ADK: variants seen among roughly 807,000 people sequenced by gnomAD.
ADK encodes adenosine kinase, also known as N6,N6-dimethyladenosine kinase.
Under a neutral mutation model 44.7 loss-of-function variants are expected in ADK, and 24 were observed. The observed-to-expected ratio is 0.54, with a 90% CI of 0.39 to 0.76. ADK has a LOEUF of 0.76. Ranked by LOEUF, ADK falls within the 30% of genes least tolerant of loss-of-function variation. The pLI, the probability that ADK is intolerant of heterozygous loss-of-function variation, is 0.00. For missense variants in ADK, 321 were observed against 425.1 expected, an observed-to-expected ratio of 0.76 and a Z score of 2.15; for synonymous variants, 128 against 142.6, an observed-to-expected ratio of 0.90 and a Z score of 0.73.
In ADK at chr10:74,439,678, G is replaced by A. The variant is rs192565926; in HGVS notation, c.555+41099G>A. Among the ~76,000 whole-genome samples the A allele has an allele frequency of 2.9e-3, 442 of 152,200 alleles. 1 individual carries two copies. The highest frequency in any genetic ancestry group is 4.8e-3 in the Non-Finnish European group (328 of 67,954). On this transcript the variant is annotated intron_variant, in intron 6 of 10. Coordinates refer to ENST00000539909, the MANE Select transcript of ADK (RefSeq NM_006721.4). The stretch of plus-strand genomic sequence containing the variant: ...ATATTGAAAATGATTAGTTAAATCA[G>A]CAAATATTTTCCTGAATATACATTT...
At chr10:74,567,980 T>C (rs1476686731) in intron 7 of ADK, among the ~76,000 whole-genome samples, 2 of 152,180 alleles carry the variant, frequency 1.3e-5, no homozygotes, top group East Asian at 1.9e-4. Context: ...ATTACAGGCC[T>C]GAGCCACCGC....
chr10:74,305,980 C>A (rs573952932), intron 3 of ADK, among the ~76,000 whole-genome samples: 5 of 152,220 alleles, frequency 3.3e-5, no homozygotes, highest in African/African-American at 1.2e-4. Flanking sequence ...CTGCTTTGGC[C>A]TCCCAAAATG....
intron 9 of ADK, among the ~76,000 whole-genome samples, chr10:74,611,690 T>G (rs183537654): frequency 2.0e-5 from 3 of 151,978 alleles, no homozygotes; most frequent in African/African-American, 7.2e-5. Flanking sequence ...GTATACCCAT[T>G]GTTTACCTCC....
intron 1 of ADK, among the ~76,000 whole-genome samples, chr10:74,184,058 C>T (rs914814730): frequency 3.9e-5 from 6 of 151,992 alleles, no homozygotes; most frequent in African/African-American, 7.2e-5. Context: ...GCTGGGATTA[C>T]AGGTGCCCAC....
intron 6 of ADK, among the ~76,000 whole-genome samples, chr10:74,468,709 T>C (rs1258645618): frequency 6.6e-6 from 1 of 152,218 alleles, no homozygotes; most frequent in East Asian, 1.9e-4. Context: ...TAAAGATCTA[T>C]TTTATTATAG....
At chr10:74,189,145 C>G (rs1303133005) in intron 1 of ADK, among the ~76,000 whole-genome samples, 2 of 152,126 alleles carry the variant, frequency 1.3e-5, no homozygotes, top group Non-Finnish European at 2.9e-5. Flanking sequence ...CTTCTAAGTA[C>G]TCCTTTAGCT....
chr10:74,649,165 A>G (rs922792600), intron 9 of ADK, among the ~76,000 whole-genome samples: 2 of 152,220 alleles, frequency 1.3e-5, no homozygotes, highest in East Asian at 3.8e-4. Context: ...GTGAGTCAAG[A>G]TCGCACTACT....
intron 5 of ADK, among the ~76,000 whole-genome samples, chr10:74,398,157 C>T (rs1206447742): frequency 6.6e-6 from 1 of 151,792 alleles, no homozygotes; most frequent in Non-Finnish European, 1.5e-5. Context: ...AATGAGTTAG[C>T]CTTATTTCTT....
At chr10:74,237,369 A>G (rs889347401) in intron 3 of ADK, among the ~76,000 whole-genome samples, 4 of 152,244 alleles carry the variant, frequency 2.6e-5, no homozygotes, top group African/African-American at 9.6e-5. Context: ...TTCAGTATCC[A>G]TCTTCAGGCT....
At position 74,251,916 on chromosome 10, in the gene ADK, T is replaced by TG. The variant is rs1845666878; in HGVS notation, c.194+27326dup. On this transcript the variant is annotated intron_variant, in intron 3 of 10. Coordinates refer to ENST00000539909, the MANE Select transcript of ADK (RefSeq NM_006721.4). ...ATACTTTTTTTTTTTTTTTTTTTTT[T>TG]GTCGACTCACCTCTTTACCGTGTGA... is the stretch of plus-strand genomic sequence containing the variant. 2.1e-5 allele frequency among the ~76,000 whole-genome samples: 3 copies of TG among 139,578 alleles called. No homozygotes were observed. In the Admixed American group the frequency reaches 2.2e-4, roughly 10 times the overall value. 91.6% of individuals were successfully genotyped at this position (139,578 alleles called of 152,430 possible). A position where few individuals can be genotyped will look rare whatever the true frequency, so the allele number is the denominator to read the frequency against.
At chr10:74,584,994 T>A (rs1851484176) in intron 7 of ADK, among the ~76,000 whole-genome samples, 1 of 152,190 alleles carries the variant, frequency 6.6e-6, no homozygotes, top group Admixed American at 6.6e-5. Flanking sequence ...GAGAAAGTTT[T>A]CTCCTCCATA....
chr10:74,256,345 T>A (rs1164075323), intron 3 of ADK, among the ~76,000 whole-genome samples: 1 of 152,208 alleles, frequency 6.6e-6, no homozygotes, highest in East Asian at 1.9e-4. Context: ...GTTATATGTT[T>A]AGCAGATTTG....
intron 3 of ADK, among the ~76,000 whole-genome samples, chr10:74,297,394 T>C (rs1269372748): frequency 6.6e-6 from 1 of 152,206 alleles, no homozygotes; most frequent in Non-Finnish European, 1.5e-5. Context: ...GCATAGTATA[T>C]TGAGTGTGAA....
chr10:74,550,363 G>A lies in ADK; in HGVS notation c.726+24937G>A, dbSNP rs142780434. Among the ~76,000 whole-genome samples the A allele has an allele frequency of 2.9e-3, 437 of 152,054 alleles. 5 individuals are homozygous for A. Among genetic ancestry groups the A allele is most frequent in the East Asian group, 0.018 (92 of 5,186 alleles). ...TGGGATTACAGGTACGAGCCACCAC[G>A]TCCAGCCGAGAACCCAATCACTTTT... On this transcript the variant is annotated intron_variant, in intron 7 of 10. Coordinates refer to ENST00000539909, the MANE Select transcript of ADK (RefSeq NM_006721.4).
chr10:74,454,018 A>T (rs557955965), intron 6 of ADK, among the ~76,000 whole-genome samples: 1 of 152,262 alleles, frequency 6.6e-6, no homozygotes, highest in East Asian at 1.9e-4. Context: ...GATGTCCATG[A>T]TATTTTTGCT....
intron 9 of ADK, among the ~76,000 whole-genome samples, chr10:74,620,651 A>G (rs1852960596): frequency 6.6e-6 from 1 of 152,026 alleles, no homozygotes; most frequent in Non-Finnish European, 1.5e-5. Flanking sequence ...GGATTGCTGG[A>G]TCATATGGTA....
chr10:74,481,851 G>C (rs1847085868), intron 6 of ADK, among the ~76,000 whole-genome samples: 1 of 152,154 alleles, frequency 6.6e-6, no homozygotes, highest in African/African-American at 2.4e-5. Flanking sequence ...TTGTCCATAT[G>C]ATGCACATAT....
chr10:74,649,033 A>C (rs975719836), intron 9 of ADK, among the ~76,000 whole-genome samples: 7 of 151,534 alleles, frequency 4.6e-5, no homozygotes, highest in African/African-American at 1.7e-4. Context: ...TACAAAAATT[A>C]GCTGGGCGTG....
At chr10:74,344,767 CT>C in intron 4 of ADK, 1 of 180,238 alleles carries the variant, frequency 5.5e-6, no homozygotes, top group South Asian at 1.2e-4. Flanking sequence ...ATTCCTTCAA[CT>C]GTTTAATCTG....
Sources: gnomAD v4.1 joint callset for allele counts (sites outside exome capture counted in the v4.1 genomes callset) on GRCh38, gnomAD v4.1.1 for gene constraint, MANE v1.5 for transcripts, NCBI Gene and HGNC (gene_info 2026-07-23, HGNC 2026-07-21) for gene names.